SLC4A10: variants seen among roughly 807,000 people sequenced by gnomAD.
SLC4A10 encodes the protein solute carrier family 4 member 10, also known as sodium-driven chloride bicarbonate exchanger.
A neutral mutation model predicts 137.7 loss-of-function variants in SLC4A10; 42 were observed. That is an observed-to-expected ratio of 0.30 (90% confidence interval 0.24 to 0.39). The LOEUF (loss-of-function observed/expected upper bound fraction) is 0.39, where lower values mean the gene tolerates loss of function less well. Among genes scored for constraint, SLC4A10 ranks in the 10% least tolerant of loss-of-function variants. The pLI, the probability that SLC4A10 is intolerant of heterozygous loss-of-function variation, is 1.00. For missense variants in SLC4A10, 925 were observed against 1,355.0 expected, an observed-to-expected ratio of 0.68 and a Z score of 4.98; for synonymous variants, 474 against 464.1, an observed-to-expected ratio of 1.02 and a Z score of -0.27.
intron 21 of SLC4A10, among the ~76,000 whole-genome samples, chr2:161,962,470 C>T (rs1470839971): frequency 2.0e-5 from 3 of 152,098 alleles, no homozygotes; most frequent in African/African-American, 7.2e-5. Context: ...TATTTCTTTC[C>T]TATTCCTACC....
rs567311021 is a variant in SLC4A10 at position 161,925,898 on chromosome 2, T to C, written c.1998-16894T>C. On this transcript the variant is annotated intron_variant, in intron 15 of 26. Transcript: ENST00000446997. ...TCTTAATCCTGAGTTCTAGTTTGAT[T>C]GCACTGTGGTCTGAGAGACAGTTTG... Among the ~76,000 whole-genome samples, 13 of 152,360 alleles carry C rather than the reference T, an allele frequency of 8.5e-5. No homozygotes were observed. The South Asian group carries it at 2.7e-3, about 32-fold the overall frequency.
Position 161,971,079 on chromosome 2 carries a change from G to C in SLC4A10, c.3160-3170G>C, listed in dbSNP as rs527667391. ...TAATGATCACTTAAATTTTCTGAGA[G>C]TCAAGTTTATAGCTTTCTTTTCATT... On this transcript the variant is annotated intron_variant, in intron 23 of 26. Transcript: ENST00000446997. Among the ~76,000 whole-genome samples the C allele has an allele frequency of 2.0e-5, 3 of 152,290 alleles. No homozygotes were observed. The South Asian group carries it at 6.2e-4, about 32-fold the overall frequency.
At chr2:161,885,625 C>A (rs1004460460) in intron 10 of SLC4A10, among the ~76,000 whole-genome samples, 1 of 152,136 alleles carries the variant, frequency 6.6e-6, no homozygotes, top group Non-Finnish European at 1.5e-5. Context: ...TTCTGTTGAG[C>A]TTTGCTAGAG....
chr2:161,798,395 C>A (rs2055010108), intron 2 of SLC4A10, among the ~76,000 whole-genome samples: 2 of 151,824 alleles, frequency 1.3e-5, no homozygotes, highest in Non-Finnish European at 2.9e-5. Context: ...TCCCTCCCAG[C>A]TAAATAAAGA....
chr2:161,685,912 T>G lies in SLC4A10; in HGVS notation c.48+61346T>G, dbSNP rs374317838. On this transcript the variant is annotated intron_variant, in intron 1 of 26. Transcript: ENST00000446997. ...TTTGTACTATAAAGGTTTGCAATATTAAGAAAGACACGGTCCCTGCCTTCA... is the reference window on the plus strand; with the variant it reads ...TTTGTACTATAAAGGTTTGCAATATGAAGAAAGACACGGTCCCTGCCTTCA... 2.6e-5 allele frequency among the ~76,000 whole-genome samples: 4 copies of G among 152,220 alleles called. No individual in the cohort carries two copies. In the East Asian group the frequency reaches 7.7e-4, roughly 29 times the overall value.
At chr2:161,658,955 G>A (rs943377636) in intron 1 of SLC4A10, among the ~76,000 whole-genome samples, 4 of 151,914 alleles carry the variant, frequency 2.6e-5, no homozygotes, top group African/African-American at 9.7e-5. Flanking sequence ...GCTGTTGGTG[G>A]AAAGTAGATT....
rs1559694888 is a variant in SLC4A10 at position 161,984,883 on chromosome 2, T to A, written c.*1731T>A. ...CCAGTGATTCCCCAAAGCAGCCTCT[T>A]AGTGTTTTAATATATTAATAACTGT... On this transcript the variant is annotated 3_prime_UTR_variant, in exon 27 of 27. Coordinates refer to ENST00000446997, the MANE Select transcript of SLC4A10 (RefSeq NM_001178015.2). 6.6e-6 allele frequency: 1 copy of A among 152,082 alleles called. No individual in the cohort carries two copies. Among genetic ancestry groups the A allele is most frequent in the Non-Finnish European group, 1.5e-5 (1 of 67,926 alleles). The allele number at this position is 152,082 out of a possible 1,614,324, so 9.4% of individuals were successfully genotyped here.
intron 13 of SLC4A10, 141 bp from the exon 14 acceptor site, chr2:161,904,635 T>A (rs1233313042): frequency 1.1e-6 from 1 of 923,086 alleles, no homozygotes; most frequent in Non-Finnish European, 1.6e-6. Flanking sequence ...GTCATCCTTC[T>A]ACCCCACGTC....
At chr2:161,661,432 C>A (rs2038386755) in intron 1 of SLC4A10, among the ~76,000 whole-genome samples, 1 of 152,220 alleles carries the variant, frequency 6.6e-6, no homozygotes, top group African/African-American at 2.4e-5. Flanking sequence ...CGAGATTGCA[C>A]CACTGCACTC....
chr2:161,933,187 CTT>C (rs1491098356), intron 15 of SLC4A10, among the ~76,000 whole-genome samples: 1 of 19,122 alleles, frequency 5.2e-5, no homozygotes, highest in African/African-American at 2.0e-4. Context: ...TCCTTCTTTT[CTT>C]TCTTTCTTTC....
chr2:161,908,089 TC>T (rs1684863263), intron 15 of SLC4A10, among the ~76,000 whole-genome samples: 1 of 151,878 alleles, frequency 6.6e-6, no homozygotes. Context: ...TGAACAATTT[TC>T]ACAGCTCTAA....
chr2:161,720,958 A>G (rs1454063378), intron 1 of SLC4A10, among the ~76,000 whole-genome samples: 2 of 151,854 alleles, frequency 1.3e-5, no homozygotes, highest in African/African-American at 4.8e-5. Flanking sequence ...CCTCCCAAGT[A>G]GCTGGGATTA....
intron 10 of SLC4A10, among the ~76,000 whole-genome samples, chr2:161,885,673 A>C (rs1282763018): frequency 6.6e-6 from 1 of 152,220 alleles, no homozygotes; most frequent in Non-Finnish European, 1.5e-5. Context: ...ACTGCTACCA[A>C]TGTGTTGATC....
intron 3 of SLC4A10, among the ~76,000 whole-genome samples, chr2:161,838,529 T>C (rs75102162): frequency 0.014 from 2,140 of 152,204 alleles, 52 homozygotes; most frequent in African/African-American, 0.049. Flanking sequence ...TAAAAGAATA[T>C]AAAGTCAAAC....
chr2:161,817,795 T>C (rs569430534), intron 3 of SLC4A10, among the ~76,000 whole-genome samples: 1 of 152,052 alleles, frequency 6.6e-6, no homozygotes, highest in South Asian at 2.1e-4. Flanking sequence ...GTTGTAGATA[T>C]GCGGCATTAT....
rs1365073946 is a variant in SLC4A10 at position 161,977,768 on chromosome 2, C to T, written c.*26+8C>T. On this transcript the variant is annotated splice_region_variant and intron_variant, in intron 26 of 26. Transcript: ENST00000446997. The stretch of plus-strand genomic sequence containing the variant: ...GAAGCTGATTCCCCAAAGGTAAGAC[C>T]CTCTCCCTCAAATCTATTCCTTGGT... The T allele has an allele frequency of 1.9e-6, 3 of 1,580,134 alleles. No homozygotes were observed. Among genetic ancestry groups the T allele is most frequent in the Non-Finnish European group, 2.6e-6 (3 of 1,167,692 alleles).
chr2:161,673,624 T>G (rs2039972021), intron 1 of SLC4A10, among the ~76,000 whole-genome samples: 1 of 152,160 alleles, frequency 6.6e-6, no homozygotes, highest in African/African-American at 2.4e-5. Flanking sequence ...TTAAAAGCTT[T>G]CCTTGAAACA....
intron 15 of SLC4A10, among the ~76,000 whole-genome samples, chr2:161,939,803 T>G (rs973701917): frequency 1.3e-5 from 2 of 152,086 alleles, no homozygotes; most frequent in African/African-American, 4.8e-5. Flanking sequence ...ATATAGATTT[T>G]CTATAAACAT....
rs12477161 is a variant in SLC4A10, at chr2:161,890,698, G to A, written c.1195-3981G>A. Reference sequence around the variant, plus strand: ...CCTGTGTGTGTCTTTGCATGTGAGAGGGGTCTCCTGAATACAGCACACCAA... The same window carrying A: ...CCTGTGTGTGTCTTTGCATGTGAGAAGGGTCTCCTGAATACAGCACACCAA... On this transcript the variant is annotated intron_variant, in intron 10 of 26. Coordinates refer to ENST00000446997, the MANE Select transcript of SLC4A10 (RefSeq NM_001178015.2). 2.0e-4 allele frequency among the ~76,000 whole-genome samples: 31 copies of A among 152,084 alleles called. 1 individual carries two copies. The highest frequency in any genetic ancestry group is 7.2e-4 in the African/African-American group (30 of 41,484).
Sources: allele counts gnomAD v4.1 joint callset (sites outside exome capture counted in the v4.1 genomes callset), GRCh38; gene constraint gnomAD v4.1.1; transcripts MANE v1.5; gene names NCBI Gene and HGNC (gene_info 2026-07-23, HGNC 2026-07-21).